Variants in PRKD1 observed in about 807,000 individuals in gnomAD.
PRKD1 encodes protein kinase D1.
PRKD1 carries 63 observed loss-of-function variants against 95.9 expected under a neutral mutation model. The observed-to-expected ratio is 0.66, with a 90% confidence interval of 0.54 to 0.81. The LOEUF is 0.81. PRKD1 is among the 30% of genes least tolerant of loss of function. The pLI is 0.00. For synonymous variants in PRKD1, 425 were observed against 423.1 expected (o/e 1.00, Z -0.05); for missense variants, 1,048 against 1,165.3 (o/e 0.90, Z 1.47).
At chr14:29,725,781 T>G (rs570493290) in intron 1 of PRKD1, 107 bp from the exon 2 acceptor site, 2 of 1,059,390 alleles carry the variant, frequency 1.9e-6, no homozygotes, top group South Asian at 2.1e-5. Flanking sequence ...GTTCAAAGTA[T>G]CTAGATCATT....
chr14:29,808,049 G>T (rs1478529546), intron 1 of PRKD1, among the ~76,000 whole-genome samples: 1 of 152,094 alleles, frequency 6.6e-6, no homozygotes, highest in African/African-American at 2.4e-5. Flanking sequence ...AGACAACAAT[G>T]ATGTTTGCTG....
At chr14:29,834,097 C>A (rs931250571) in intron 1 of PRKD1, among the ~76,000 whole-genome samples, 3 of 152,078 alleles carry the variant, frequency 2.0e-5, no homozygotes, top group African/African-American at 7.2e-5. Flanking sequence ...ACATTAAATA[C>A]TATGTGTTCA....
At chr14:29,604,778 A>C (rs1384783900) in intron 13 of PRKD1, among the ~76,000 whole-genome samples, 1 of 152,206 alleles carries the variant, frequency 6.6e-6, no homozygotes, top group African/African-American at 2.4e-5. Flanking sequence ...TGCAGAGAAC[A>C]GACAATTATA....
At chr14:29,710,973 AG>A (rs1885310128) in intron 2 of PRKD1, among the ~76,000 whole-genome samples, 1 of 152,120 alleles carries the variant, frequency 6.6e-6, no homozygotes, top group East Asian at 1.9e-4. Flanking sequence ...CAGGAGACCA[AG>A]AATAGATTTC....
intron 1 of PRKD1, among the ~76,000 whole-genome samples, chr14:29,885,870 G>A (rs1026390013): frequency 6.6e-6 from 1 of 151,372 alleles, no homozygotes; most frequent in East Asian, 1.9e-4. Context: ...AGGAAGCTGA[G>A]GCAGGAGAAT....
rs189202486 is a variant in PRKD1, at chr14:29,829,223, C to T, written c.264+98026G>A. On this transcript the variant is annotated intron_variant, in intron 1 of 17. Transcript: ENST00000331968. ...GCATCATGGAATAGAGATTAAAAAGCACCCTGTGGCTTGTCTTAATTCCTG... is the reference window on the plus strand; with the variant it reads ...GCATCATGGAATAGAGATTAAAAAGTACCCTGTGGCTTGTCTTAATTCCTG... Among the ~76,000 whole-genome samples, 213 of 152,322 alleles carry T rather than the reference C, an allele frequency of 1.4e-3. 2 individuals are homozygous for T. The highest frequency in any genetic ancestry group is 2.2e-3 in the Non-Finnish European group (153 of 68,034).
At chr14:29,847,885 C>T (rs764637491) in intron 1 of PRKD1, among the ~76,000 whole-genome samples, 1 of 152,022 alleles carries the variant, frequency 6.6e-6, no homozygotes, top group East Asian at 1.9e-4. Flanking sequence ...TCTCCCCCCC[C>T]ACCAACCTTT....
chr14:29,907,631 T>C (rs1208004034), intron 1 of PRKD1, among the ~76,000 whole-genome samples: 1 of 152,202 alleles, frequency 6.6e-6, no homozygotes, highest in Admixed American at 6.5e-5. Flanking sequence ...AGAATATACT[T>C]CAAATTACCA....
intron 11 of PRKD1, among the ~76,000 whole-genome samples, chr14:29,628,648 A>G (rs1036294496): frequency 1.3e-5 from 2 of 152,156 alleles, no homozygotes; most frequent in Non-Finnish European, 2.9e-5. Flanking sequence ...ACTTCTAGGT[A>G]GCAACTAAGG....
At chr14:29,730,034 C>T (rs1277064416) in intron 1 of PRKD1, among the ~76,000 whole-genome samples, 3 of 151,518 alleles carry the variant, frequency 2.0e-5, no homozygotes, top group Admixed American at 6.6e-5. Flanking sequence ...TATAGACAAA[C>T]GTTAAGACAT....
At chr14:29,737,328 C>CAAAAAAAAAAAAAAAAA (rs796557046) in intron 1 of PRKD1, among the ~76,000 whole-genome samples, 2 of 37,908 alleles carry the variant, frequency 5.3e-5, no homozygotes, top group African/African-American at 2.0e-4. Flanking sequence ...GACTCCGTCT[C>CAAAAAAAAAAAAAAAAA]AAAAAAAAAA....
chr14:29,852,743 G>T (rs989702115), intron 1 of PRKD1, among the ~76,000 whole-genome samples: 1 of 151,750 alleles, frequency 6.6e-6, no homozygotes, highest in African/African-American at 2.4e-5. Context: ...AAAATGAAAT[G>T]AAAGAAACAA....
intron 2 of PRKD1, among the ~76,000 whole-genome samples, chr14:29,722,734 C>G (rs1885956636): frequency 6.6e-6 from 1 of 151,922 alleles, no homozygotes; most frequent in Non-Finnish European, 1.5e-5. Flanking sequence ...CTATGTGGCT[C>G]GGGAAAAGAA....
At chr14:29,793,459 T>C (rs548436713) in intron 1 of PRKD1, among the ~76,000 whole-genome samples, 1 of 152,258 alleles carries the variant, frequency 6.6e-6, no homozygotes, top group South Asian at 2.1e-4. Flanking sequence ...TCTAAGATAC[T>C]GTGCGCTCTA....
chr14:29,681,935 G>T (rs1383653059), intron 2 of PRKD1, among the ~76,000 whole-genome samples: 1 of 152,144 alleles, frequency 6.6e-6, no homozygotes, highest in Admixed American at 6.5e-5. Flanking sequence ...CTGAGAAAAT[G>T]AACAGTTAAG....
intron 1 of PRKD1, among the ~76,000 whole-genome samples, chr14:29,807,913 G>A (rs1397972540): frequency 6.6e-6 from 1 of 151,892 alleles, no homozygotes; most frequent in Non-Finnish European, 1.5e-5. Flanking sequence ...GTATAGACGG[G>A]ATTTCACCAT....
At chr14:29,654,152 A>C (rs1325344953) in intron 4 of PRKD1, among the ~76,000 whole-genome samples, 1 of 151,994 alleles carries the variant, frequency 6.6e-6, no homozygotes, top group African/African-American at 2.4e-5. Flanking sequence ...TCATTCAGTA[A>C]ATAATTTTTA....
chr14:29,643,285 C>T (rs1880920113), intron 4 of PRKD1, among the ~76,000 whole-genome samples: 1 of 152,050 alleles, frequency 6.6e-6, no homozygotes, highest in Non-Finnish European at 1.5e-5. Flanking sequence ...TAAGAGTTAA[C>T]ACATCATGCA....
chr14:29,825,215 C>T (rs1891062877), intron 1 of PRKD1, among the ~76,000 whole-genome samples: 1 of 151,938 alleles, frequency 6.6e-6, no homozygotes, highest in South Asian at 2.1e-4. Context: ...ATGTACGAAA[C>T]ATGAATACTT....
Sources: gnomAD v4.1 joint callset for allele counts (sites outside exome capture counted in the v4.1 genomes callset) on GRCh38, gnomAD v4.1.1 for gene constraint, MANE v1.5 for transcripts, NCBI Gene and HGNC (gene_info 2026-07-23, HGNC 2026-07-21) for gene names.